The following TEC variants were observed in gnomAD, a reference collection of about 807,000 sequenced individuals.
TEC encodes the protein tec protein tyrosine kinase.
TEC carries 72 observed loss-of-function variants against 93.0 expected under a neutral mutation model. The observed-to-expected ratio is 0.77, with a 90% confidence interval of 0.64 to 0.94. The LOEUF (loss-of-function observed/expected upper bound fraction) is 0.94. TEC is among the 40% of genes least tolerant of loss of function. TEC has a pLI of 0.00. For missense variants in TEC, 630 were observed against 757.9 expected (o/e 0.83, Z 1.98); for synonymous variants, 249 against 247.7 (o/e 1.01, Z -0.05).
At chr4:48,233,530 ACC>A (rs34079737) in intron 1 of TEC, among the ~76,000 whole-genome samples, 24,000 of 151,562 alleles carry the variant, frequency 0.16, 2,103 homozygotes, top group Non-Finnish European at 0.2. Context: ...GCCAAGGATC[ACC>A]CCAGACAATT....
At chr4:48,241,554 T>C (rs1577666344) in intron 1 of TEC, among the ~76,000 whole-genome samples, 1 of 152,142 alleles carries the variant, frequency 6.6e-6, no homozygotes, top group South Asian at 2.1e-4. Flanking sequence ...TTCAAATGAT[T>C]CCAGCCCTTT....
At chr4:48,168,304 C>G (rs1264857253) in intron 6 of TEC, among the ~76,000 whole-genome samples, 1 of 152,074 alleles carries the variant, frequency 6.6e-6, no homozygotes, top group Non-Finnish European at 1.5e-5. Flanking sequence ...TATCTAAATC[C>G]CACTCCTCTT....
intron 1 of TEC, among the ~76,000 whole-genome samples, chr4:48,241,535 T>C (rs2109657182): frequency 6.6e-6 from 1 of 152,190 alleles, no homozygotes; most frequent in African/African-American, 2.4e-5. Context: ...GACACATGAG[T>C]GAGAGACCTT....
chr4:48,194,125 G>C (rs143708729), intron 2 of TEC, among the ~76,000 whole-genome samples: 1,666 of 152,304 alleles, frequency 0.011, 8 homozygotes, highest in Non-Finnish European at 0.018. Flanking sequence ...CTGAGGGTGG[G>C]AAACCCTGTG....
chr4:48,260,547 T>G (rs7681182), intron 1 of TEC, among the ~76,000 whole-genome samples: 57,278 of 151,738 alleles, frequency 0.38, 11,854 homozygotes, highest in Non-Finnish European at 0.47. Context: ...GCTGCAGTAA[T>G]CTATGGTGAT....
chr4:48,137,369 A>G lies in TEC; in HGVS notation c.*47T>C, dbSNP rs1456371285. ...ATAAATTAAAAGCCACAAAATGCCC[A>G]TCCTTCCTTGTGCTTGGGAATCTGG... On this transcript the variant is annotated 3_prime_UTR_variant, in exon 18 of 18. Transcript: ENST00000381501. 1 of 1,504,428 alleles carries G rather than the reference A, an allele frequency of 6.6e-7. No individual in the cohort carries two copies. The highest frequency in any genetic ancestry group is 1.8e-5 in the Admixed American group (1 of 56,868). 93.2% of individuals were successfully genotyped at this position (1,504,428 alleles called of 1,614,324 possible). A position where few individuals can be genotyped will look rare whatever the true frequency, so the allele number is the denominator to read the frequency against.
At chr4:48,221,654 C>T (rs1383759261) in intron 2 of TEC, among the ~76,000 whole-genome samples, 1 of 152,142 alleles carries the variant, frequency 6.6e-6, no homozygotes, top group East Asian at 1.9e-4. Context: ...TTAGGGTTTT[C>T]ATGGAGGCTT....
intron 2 of TEC, among the ~76,000 whole-genome samples, chr4:48,219,509 T>A (rs1405245202): frequency 1.3e-5 from 2 of 152,200 alleles, no homozygotes; most frequent in African/African-American, 4.8e-5. Context: ...TGGTTCCTCT[T>A]TGAAGTTCGT....
intron 2 of TEC, among the ~76,000 whole-genome samples, chr4:48,224,796 T>A (rs2109632493): frequency 6.6e-6 from 1 of 152,334 alleles, no homozygotes; most frequent in African/African-American, 2.4e-5. Context: ...CAGAAAGGTT[T>A]ATTACATAAT....
At chr4:48,226,734 A>T (rs930209524) in intron 2 of TEC, among the ~76,000 whole-genome samples, 35 of 152,302 alleles carry the variant, frequency 2.3e-4, no homozygotes, top group African/African-American at 8.4e-4. Context: ...AGCTATATGC[A>T]GATTTTTGAC....
chr4:48,268,961 T>C (rs1456257039), intron 1 of TEC, among the ~76,000 whole-genome samples: 1 of 152,060 alleles, frequency 6.6e-6, no homozygotes, highest in Non-Finnish European at 1.5e-5. Context: ...TAAAATAAAA[T>C]AAAATCCACA....
chr4:48,176,269 T>G, intron 2 of TEC, 83 bp from the exon 3 acceptor site: 1 of 1,006,552 alleles, frequency 9.9e-7, no homozygotes, highest in Non-Finnish European at 1.5e-6. Flanking sequence ...AATTTTGCTC[T>G]GATTCAAAAT....
chr4:48,145,644 G>T, intron 12 of TEC, 65 bp from the exon 13 acceptor site: 2 of 1,554,436 alleles, frequency 1.3e-6, no homozygotes, highest in Non-Finnish European at 1.8e-6. Flanking sequence ...TCAGAGAGGG[G>T]GAAAAAGAAC....
intron 2 of TEC, among the ~76,000 whole-genome samples, chr4:48,187,049 G>A (rs1053075989): frequency 3.9e-5 from 6 of 152,264 alleles, no homozygotes; most frequent in African/African-American, 1.4e-4. Context: ...TGTGTAGAAA[G>A]AAGTAGACCT....
At chr4:48,173,534 C>T (rs1721201144) in intron 3 of TEC, among the ~76,000 whole-genome samples, 2 of 152,156 alleles carry the variant, frequency 1.3e-5, no homozygotes, top group African/African-American at 2.4e-5. Context: ...GTGTTTCTCT[C>T]TGCCTTAATT....
chr4:48,249,502 G>A (rs1249371711), intron 1 of TEC, among the ~76,000 whole-genome samples: 2 of 152,168 alleles, frequency 1.3e-5, no homozygotes, highest in South Asian at 2.1e-4. Flanking sequence ...TAAACAGCAC[G>A]TTTGTAAAAT....
intron 2 of TEC, among the ~76,000 whole-genome samples, chr4:48,219,679 T>C (rs1723191709): frequency 1.3e-5 from 2 of 152,164 alleles, no homozygotes; most frequent in African/African-American, 4.8e-5. Flanking sequence ...AAGGGCCCCC[T>C]ATACTGTAAT....
Position 48,141,397 on chromosome 4 carries a change from CTTACTAGACAAT to C in TEC, c.1481_1492del (p.Asn494_Val497del), listed in dbSNP as rs1000289709. 14 of 1,613,730 alleles carry C rather than the reference CTTACTAGACAAT, an allele frequency of 8.7e-6. No individual in the cohort carries two copies. Among genetic ancestry groups the C allele is most frequent in the Non-Finnish European group, 9.3e-6 (11 of 1,179,938 alleles). Reference sequence around the variant, plus strand: ...AGATACTTTTACAACTCCCGCCTCACTTACTAGACAATTTCTGGCAGCCTGGAAAACAACATT... The same window carrying C: ...AGATACTTTTACAACTCCCGCCTCACTTCTGGCAGCCTGGAAAACAACATT... On this transcript the variant is annotated inframe_deletion, in exon 15 of 18. Transcript: ENST00000381501.
intron 2 of TEC, among the ~76,000 whole-genome samples, chr4:48,209,644 G>C (rs1560409771): frequency 6.6e-6 from 1 of 152,054 alleles, no homozygotes; most frequent in Non-Finnish European, 1.5e-5. Flanking sequence ...AATCAAGCTT[G>C]ATGATATATT....
Sources: gnomAD v4.1 joint callset for allele counts (sites outside exome capture counted in the v4.1 genomes callset) on GRCh38, gnomAD v4.1.1 for gene constraint, MANE v1.5 for transcripts, NCBI Gene and HGNC (gene_info 2026-07-23, HGNC 2026-07-21) for gene names.